DLG2: variants seen among roughly 807,000 people sequenced by gnomAD.
DLG2 encodes the protein disks large homolog 2.
DLG2 carries 45 observed loss-of-function variants against 132.5 expected under a neutral mutation model. The observed-to-expected ratio is 0.34, with a 90% CI of 0.27 to 0.44. The LOEUF is 0.44. Among genes scored for constraint, DLG2 ranks in the 20% least tolerant of loss-of-function variants. The probability of loss-of-function intolerance (pLI) is 1.00; values close to 1 mark genes in which losing one functional copy is unlikely to be tolerated. For synonymous variants in DLG2, 424 were observed against 419.6 expected, an observed-to-expected ratio of 1.01 and a Z score of -0.13; for missense variants, 1,045 against 1,196.9, an observed-to-expected ratio of 0.87 and a Z score of 1.87.
intron 7 of DLG2, among the ~76,000 whole-genome samples, chr11:84,353,642 A>G (rs1376401527): frequency 6.6e-6 from 1 of 152,188 alleles, no homozygotes; most frequent in Non-Finnish European, 1.5e-5. Flanking sequence ...AATGGTGATC[A>G]CTGCTATTTA....
At chr11:83,964,997 A>G (rs1005896904) in intron 13 of DLG2, among the ~76,000 whole-genome samples, 1 of 152,006 alleles carries the variant, frequency 6.6e-6, no homozygotes, top group Admixed American at 6.6e-5. Flanking sequence ...GGAAGAAATA[A>G]TATGATGGCA....
intron 4 of DLG2, among the ~76,000 whole-genome samples, chr11:85,255,382 C>T (rs2076617245): frequency 6.6e-6 from 1 of 152,174 alleles, no homozygotes; most frequent in African/African-American, 2.4e-5. Flanking sequence ...TCCACACATT[C>T]ATAAATACAC....
At chr11:83,770,898 A>C (rs12285846) in intron 18 of DLG2, among the ~76,000 whole-genome samples, 27,542 of 152,194 alleles carry the variant, frequency 0.18, 2,997 homozygotes, top group African/African-American at 0.3. Context: ...GCTTTCAATA[A>C]GAAAATTAAA....
chr11:83,678,502 T>C (rs2078162441), intron 18 of DLG2, among the ~76,000 whole-genome samples: 1 of 152,166 alleles, frequency 6.6e-6, no homozygotes, highest in African/African-American at 2.4e-5. Flanking sequence ...CAAGCAGTGA[T>C]TAACAGCATC....
At chr11:84,273,139 A>T in intron 7 of DLG2, 1 of 1,502,960 alleles carries the variant, frequency 6.7e-7, no homozygotes, top group Non-Finnish European at 8.8e-7. Context: ...AATAAAAGAA[A>T]ATTTTCCTTA....
chr11:83,631,005 T>G (rs189881289), intron 19 of DLG2, among the ~76,000 whole-genome samples: 1 of 152,144 alleles, frequency 6.6e-6, no homozygotes, highest in Non-Finnish European at 1.5e-5. Context: ...AGTAGTTGAC[T>G]TTCTAAAATA....
intron 3 of DLG2, among the ~76,000 whole-genome samples, chr11:85,384,741 T>C (rs1196003064): frequency 1.3e-5 from 2 of 152,122 alleles, no homozygotes; most frequent in African/African-American, 4.8e-5. Context: ...CTAAGTTTTG[T>C]ATTTTTAGTA....
chr11:84,267,179 T>C (rs1270136124), intron 7 of DLG2, among the ~76,000 whole-genome samples: 2 of 152,216 alleles, frequency 1.3e-5, no homozygotes, highest in African/African-American at 2.4e-5. Context: ...GAAATGTAGA[T>C]AATAACAATG....
intron 7 of DLG2, among the ~76,000 whole-genome samples, chr11:84,410,032 C>T (rs1321480783): frequency 6.6e-6 from 1 of 152,146 alleles, no homozygotes; most frequent in African/African-American, 2.4e-5. Context: ...TCATACAGTA[C>T]ATGAATGACA....
intron 6 of DLG2, among the ~76,000 whole-genome samples, chr11:84,981,048 G>C (rs538692350): frequency 3.3e-5 from 5 of 152,250 alleles, no homozygotes; most frequent in African/African-American, 1.2e-4. Context: ...AGCTTTTAAA[G>C]AGCATAGCCT....
At chr11:84,741,650 C>T (rs1228585646) in intron 6 of DLG2, among the ~76,000 whole-genome samples, 1 of 151,806 alleles carries the variant, frequency 6.6e-6, no homozygotes, top group Non-Finnish European at 1.5e-5. Context: ...ACCAACACCT[C>T]GTCTAAATGA....
intron 6 of DLG2, among the ~76,000 whole-genome samples, chr11:84,618,645 G>A (rs1335402941): frequency 6.6e-6 from 1 of 152,026 alleles, no homozygotes; most frequent in Admixed American, 6.6e-5. Flanking sequence ...AAACTCAGAA[G>A]AGTCTTTTGG....
At chr11:83,525,860 G>A (rs2095595677) in intron 21 of DLG2, among the ~76,000 whole-genome samples, 1 of 152,134 alleles carries the variant, frequency 6.6e-6, no homozygotes, top group Non-Finnish European at 1.5e-5. Flanking sequence ...AACTCACTCT[G>A]GTGAAGCAAA....
intron 6 of DLG2, chr11:84,640,032 GA>G: frequency 3.7e-6 from 1 of 272,250 alleles, no homozygotes; most frequent in Non-Finnish European, 7.0e-6. Flanking sequence ...CGGCACTCCA[GA>G]AAATGTCAAC....
At chr11:84,725,982 C>A (rs1005334938) in intron 6 of DLG2, among the ~76,000 whole-genome samples, 4 of 151,866 alleles carry the variant, frequency 2.6e-5, no homozygotes, top group Non-Finnish European at 5.9e-5. Flanking sequence ...CTCCTTAGAC[C>A]CTTTCTCAGC....
intron 3 of DLG2, among the ~76,000 whole-genome samples, chr11:85,498,522 T>C (rs1395001279): frequency 6.6e-6 from 1 of 152,020 alleles, no homozygotes; most frequent in African/African-American, 2.4e-5. Flanking sequence ...ACAGATCAGC[T>C]AGACAGAAAA....
intron 11 of DLG2, among the ~76,000 whole-genome samples, chr11:83,985,321 T>C (rs573949089): frequency 6.6e-6 from 1 of 152,202 alleles, no homozygotes; most frequent in African/African-American, 2.4e-5. Flanking sequence ...ACTTGCATCC[T>C]TGACGTTTCT....
intron 4 of DLG2, among the ~76,000 whole-genome samples, chr11:85,163,509 T>A (rs537163097): frequency 6.6e-6 from 1 of 152,136 alleles, no homozygotes; most frequent in Non-Finnish European, 1.5e-5. Flanking sequence ...AGATGTAACA[T>A]TGAAATAATA....
At chr11:83,613,742 T>G (rs1225583356) in intron 19 of DLG2, among the ~76,000 whole-genome samples, 1 of 152,086 alleles carries the variant, frequency 6.6e-6, no homozygotes, top group Non-Finnish European at 1.5e-5. Flanking sequence ...AAACATGAGC[T>G]GAGGAAGTAA....
Sources: allele counts gnomAD v4.1 joint callset (sites outside exome capture counted in the v4.1 genomes callset), GRCh38; gene constraint gnomAD v4.1.1; transcripts MANE v1.5; gene names NCBI Gene and HGNC (gene_info 2026-07-23, HGNC 2026-07-21).